CADM2: variants seen among roughly 807,000 people sequenced by gnomAD.
CADM2 encodes cell adhesion molecule 2, also known as immunoglobulin superfamily member 4D.
Under a neutral mutation model 49.8 loss-of-function variants are expected in CADM2, and 12 were observed. The ratio of observed to expected loss-of-function variants is 0.24; its 90% confidence interval spans 0.15 to 0.39. The LOEUF is 0.39. Ranked by LOEUF, CADM2 falls within the 10% of genes least tolerant of loss-of-function variation. The pLI is 1.00. For synonymous variants in CADM2, 214 were observed against 175.4 expected (o/e 1.22, Z -1.74); for missense variants, 378 against 492.3 (o/e 0.77, Z 2.20).
At chr3:85,480,443 A>G (rs1289856713) in intron 1 of CADM2, among the ~76,000 whole-genome samples, 2 of 151,922 alleles carry the variant, frequency 1.3e-5, no homozygotes, top group African/African-American at 4.8e-5. Flanking sequence ...TGTGCCTCAC[A>G]TAAGTGCCTT....
intron 1 of CADM2, among the ~76,000 whole-genome samples, chr3:85,672,770 A>G (rs1166349603): frequency 6.6e-6 from 1 of 152,202 alleles, no homozygotes; most frequent in Non-Finnish European, 1.5e-5. Context: ...CATGTTACAG[A>G]AATGGTTATG....
chr3:85,882,725 A>G (rs1473884624), intron 3 of CADM2, among the ~76,000 whole-genome samples: 1 of 152,228 alleles, frequency 6.6e-6, no homozygotes, highest in Non-Finnish European at 1.5e-5. Context: ...CAAAGACTGT[A>G]TTAACATACA....
chr3:85,226,338 G>A (rs966801114), intron 1 of CADM2, among the ~76,000 whole-genome samples: 1 of 151,290 alleles, frequency 6.6e-6, no homozygotes, highest in Non-Finnish European at 1.5e-5. Context: ...ATTTCTTCCT[G>A]GTTTAGTCTT....
intron 1 of CADM2, among the ~76,000 whole-genome samples, chr3:85,208,971 T>C (rs2041714565): frequency 3.9e-5 from 6 of 152,192 alleles, no homozygotes; most frequent in Admixed American, 1.3e-4. Context: ...TCATGAATTT[T>C]AAAATAATCT....
At chr3:85,887,601 C>G (rs556415414) in intron 5 of CADM2, among the ~76,000 whole-genome samples, 1 of 152,196 alleles carries the variant, frequency 6.6e-6, no homozygotes, top group East Asian at 1.9e-4. Context: ...CTGATCACTA[C>G]GCTTGCCTTA....
intron 7 of CADM2, among the ~76,000 whole-genome samples, chr3:85,949,480 T>C (rs1337813965): frequency 6.6e-6 from 1 of 151,248 alleles, no homozygotes; most frequent in South Asian, 2.1e-4. Flanking sequence ...TATATAAAAA[T>C]GTGTGTTCAA....
At chr3:85,962,477 C>T (rs1217838836) in intron 8 of CADM2, among the ~76,000 whole-genome samples, 1 of 151,236 alleles carries the variant, frequency 6.6e-6, no homozygotes, top group Non-Finnish European at 1.5e-5. Flanking sequence ...ATTTACCTCA[C>T]AATTTGAGTA....
chr3:85,964,316 C>T (rs1259785688), intron 8 of CADM2, among the ~76,000 whole-genome samples: 1 of 151,604 alleles, frequency 6.6e-6, no homozygotes, highest in Admixed American at 6.6e-5. Flanking sequence ...GGATTTTTCA[C>T]GAGCTGAGAC....
intron 1 of CADM2, among the ~76,000 whole-genome samples, chr3:85,513,972 G>A (rs945800562): frequency 3.6e-4 from 55 of 152,102 alleles, no homozygotes; most frequent in African/African-American, 1.3e-3. Context: ...AATTGTATAT[G>A]TCTTTGCTCA....
At chr3:86,013,143 A>T in intron 8 of CADM2, 1 of 1,346,074 alleles carries the variant, frequency 7.4e-7, no homozygotes. Context: ...AAGTAGACAC[A>T]GAAAACGAAT....
At chr3:85,864,724 C>T (rs193238286) in intron 3 of CADM2, among the ~76,000 whole-genome samples, 288 of 152,226 alleles carry the variant, frequency 1.9e-3, no homozygotes, top group African/African-American at 6.7e-3. Context: ...TAATTTCTTA[C>T]TTTATGTCAA....
At chr3:85,611,247 A>T (rs1056864660) in intron 1 of CADM2, among the ~76,000 whole-genome samples, 1 of 103,762 alleles carries the variant, frequency 9.6e-6, no homozygotes, top group Non-Finnish European at 2.4e-5. Flanking sequence ...TATACTGCAA[A>T]TGTTTTTTTT....
intron 3 of CADM2, among the ~76,000 whole-genome samples, chr3:85,849,095 A>G (rs2074995176): frequency 6.6e-6 from 1 of 152,182 alleles, no homozygotes; most frequent in Non-Finnish European, 1.5e-5. Context: ...TCCTACAGAC[A>G]GTTCCAGAGA....
At chr3:85,988,551 T>C (rs1294283780) in intron 8 of CADM2, among the ~76,000 whole-genome samples, 1 of 152,094 alleles carries the variant, frequency 6.6e-6, no homozygotes, top group Non-Finnish European at 1.5e-5. Context: ...TTTAAACTAT[T>C]GGAAAAAACC....
intron 1 of CADM2, among the ~76,000 whole-genome samples, chr3:85,166,622 G>T (rs2040476315): frequency 6.6e-6 from 1 of 151,818 alleles, no homozygotes. Context: ...ATTTGATTTG[G>T]AGAAAGTATT....
At chr3:86,013,597 A>AAG in intron 8 of CADM2, 1 of 1,600,570 alleles carries the variant, frequency 6.2e-7, no homozygotes, top group South Asian at 1.1e-5. Flanking sequence ...ACTCTCAGGG[A>AAG]AGAGAGAGAA....
At chr3:85,291,190 A>G (rs563678535) in intron 1 of CADM2, among the ~76,000 whole-genome samples, 83 of 152,230 alleles carry the variant, frequency 5.5e-4, no homozygotes, top group Middle Eastern at 3.4e-3. Context: ...GGGTATTAGC[A>G]ATGGAAGATG....
chr3:85,574,898 C>A (rs2062588027), intron 1 of CADM2, among the ~76,000 whole-genome samples: 1 of 152,116 alleles, frequency 6.6e-6, no homozygotes, highest in Non-Finnish European at 1.5e-5. Flanking sequence ...CTGGTTGTGA[C>A]CTAGCTAATC....
intron 5 of CADM2, among the ~76,000 whole-genome samples, chr3:85,907,823 A>G (rs571092375): frequency 6.6e-6 from 1 of 152,076 alleles, no homozygotes; most frequent in East Asian, 1.9e-4. Context: ...AGGCAGGAGA[A>G]TCACTTGAAC....
Sources: gnomAD v4.1 joint callset for allele counts (sites outside exome capture counted in the v4.1 genomes callset) on GRCh38, gnomAD v4.1.1 for gene constraint, MANE v1.5 for transcripts, NCBI Gene and HGNC (gene_info 2026-07-23, HGNC 2026-07-21) for gene names.